Variants in DYM observed in about 807,000 individuals in gnomAD.
DYM encodes the protein dymeclin.
Under a neutral mutation model 93.1 loss-of-function variants are expected in DYM, and 78 were observed. The ratio of observed to expected loss-of-function variants is 0.84; its 90% confidence interval spans 0.70 to 1.01. The LOEUF is 1.01. Ranked by LOEUF, DYM falls within the 50% of genes least tolerant of loss-of-function variation. DYM has a pLI of 0.00. For synonymous variants in DYM, 321 were observed against 319.7 expected (o/e 1.00, Z -0.04); for missense variants, 789 against 845.0 (o/e 0.93, Z 0.82).
intron 17 of DYM, among the ~76,000 whole-genome samples, chr18:49,082,953 A>G (rs2078185463): frequency 6.6e-6 from 1 of 152,142 alleles, no homozygotes. Context: ...TCAGGTGAGG[A>G]ATTTACCTTA....
intron 6 of DYM, among the ~76,000 whole-genome samples, chr18:49,350,603 G>A (rs1330295597): frequency 6.6e-6 from 1 of 151,942 alleles, no homozygotes; most frequent in Non-Finnish European, 1.5e-5. Context: ...CTACCTGGGA[G>A]GCTGAGGCAG....
At chr18:49,114,249 T>C (rs997000187) in intron 16 of DYM, among the ~76,000 whole-genome samples, 2 of 152,234 alleles carry the variant, frequency 1.3e-5, no homozygotes, top group South Asian at 2.1e-4. Context: ...AGAGGTCATA[T>C]ACATGAGGCA....
At chr18:49,142,029 T>C (rs938508457) in intron 15 of DYM, among the ~76,000 whole-genome samples, 1 of 151,458 alleles carries the variant, frequency 6.6e-6, no homozygotes, top group African/African-American at 2.4e-5. Context: ...AATTTTTTTT[T>C]TTTTTTGTAT....
At chr18:49,072,582 C>A in intron 17 of DYM, among the ~76,000 whole-genome samples, 1 of 152,164 alleles carries the variant, frequency 6.6e-6, no homozygotes, top group East Asian at 1.9e-4. Context: ...TGGAAGAAAC[C>A]AGATTTCGTC....
At chr18:49,266,446 C>G (rs2094571806) in intron 11 of DYM, among the ~76,000 whole-genome samples, 1 of 152,122 alleles carries the variant, frequency 6.6e-6, no homozygotes, top group South Asian at 2.1e-4. Flanking sequence ...CGAAACCCAT[C>G]TCCACAGAAC....
At chr18:49,121,311 C>T (rs1440056942) in intron 15 of DYM, among the ~76,000 whole-genome samples, 3 of 152,006 alleles carry the variant, frequency 2.0e-5, no homozygotes, top group African/African-American at 7.2e-5. Flanking sequence ...GAATTGCAAA[C>T]TTGAAGGCAG....
chr18:49,337,079 C>T (rs1323368500), intron 6 of DYM, among the ~76,000 whole-genome samples: 1 of 152,152 alleles, frequency 6.6e-6, no homozygotes, highest in Non-Finnish European at 1.5e-5. Flanking sequence ...TGACTGGAAA[C>T]TTATTGAATA....
intron 17 of DYM, among the ~76,000 whole-genome samples, chr18:49,080,376 G>A (rs1169771469): frequency 8.0e-5 from 11 of 137,456 alleles, no homozygotes; most frequent in Admixed American, 2.1e-4. Flanking sequence ...GTGGCTGGCC[G>A]GGCGAGGGGC....
At chr18:49,226,122 G>C (rs1388299383) in intron 13 of DYM, among the ~76,000 whole-genome samples, 1 of 152,020 alleles carries the variant, frequency 6.6e-6, no homozygotes, top group Non-Finnish European at 1.5e-5. Flanking sequence ...AGGGGACAAG[G>C]CACCTGAAAA....
intron 2 of DYM, among the ~76,000 whole-genome samples, chr18:49,426,556 A>C (rs1218204487): frequency 6.6e-6 from 1 of 152,056 alleles, no homozygotes; most frequent in Non-Finnish European, 1.5e-5. Flanking sequence ...AAAAAATAAT[A>C]ATAAAAAAAT....
intron 15 of DYM, among the ~76,000 whole-genome samples, chr18:49,156,268 CCAA>C (rs1360930629): frequency 6.6e-6 from 1 of 152,166 alleles, no homozygotes; most frequent in Non-Finnish European, 1.5e-5. Flanking sequence ...GCATCACAGT[CCAA>C]CAAGATGCTC....
intron 13 of DYM, among the ~76,000 whole-genome samples, chr18:49,214,624 A>T (rs2092943372): frequency 6.6e-6 from 1 of 152,158 alleles, no homozygotes; most frequent in Non-Finnish European, 1.5e-5. Flanking sequence ...AGAGGGGCTG[A>T]AGGGGCTAAT....
intron 17 of DYM, among the ~76,000 whole-genome samples, chr18:49,090,958 T>G (rs1240205675): frequency 6.6e-6 from 1 of 152,194 alleles, no homozygotes; most frequent in African/African-American, 2.4e-5. Flanking sequence ...TGTGGAATAA[T>G]GTAGACTTTT....
intron 14 of DYM, among the ~76,000 whole-genome samples, chr18:49,199,917 A>G (rs2091858472): frequency 6.6e-6 from 1 of 152,170 alleles, no homozygotes. Context: ...TGAAAGTGCT[A>G]CAGTTGAGAT....
At chr18:49,290,242 G>A (rs571176420) in intron 8 of DYM, among the ~76,000 whole-genome samples, 1 of 151,906 alleles carries the variant, frequency 6.6e-6, no homozygotes, top group South Asian at 2.1e-4. Context: ...TACAATATAA[G>A]GATGTAGATG....
intron 8 of DYM, among the ~76,000 whole-genome samples, chr18:49,323,419 G>C (rs1316636782): frequency 1.3e-5 from 2 of 152,162 alleles, no homozygotes; most frequent in African/African-American, 4.8e-5. Flanking sequence ...ACCTGGTATG[G>C]ACTGAATTTT....
intron 8 of DYM, among the ~76,000 whole-genome samples, chr18:49,314,338 T>C (rs1233070450): frequency 1.3e-5 from 2 of 152,218 alleles, no homozygotes; most frequent in Admixed American, 6.5e-5. Flanking sequence ...GCTGTGTACA[T>C]TGAACATAAT....
At chr18:49,150,815 A>G (rs8087713) in intron 15 of DYM, among the ~76,000 whole-genome samples, 24,490 of 152,124 alleles carry the variant, frequency 0.16, 2,295 homozygotes, top group East Asian at 0.39. Context: ...AGATTAGGGG[A>G]GAGATTACAG....
At chr18:49,400,162 A>G (rs1293665808) in intron 2 of DYM, among the ~76,000 whole-genome samples, 1 of 151,886 alleles carries the variant, frequency 6.6e-6, no homozygotes, top group African/African-American at 2.4e-5. Flanking sequence ...ACTGGTCTTG[A>G]ACTCCTGACC....
Sources: allele counts gnomAD v4.1 joint callset (sites outside exome capture counted in the v4.1 genomes callset), GRCh38; gene constraint gnomAD v4.1.1; transcripts MANE v1.5; gene names NCBI Gene and HGNC (gene_info 2026-07-23, HGNC 2026-07-21).